CALCR: variants seen among roughly 807,000 people sequenced by gnomAD.
CALCR encodes the protein calcitonin receptor.
A neutral mutation model predicts 59.5 loss-of-function variants in CALCR; 47 were observed. The observed-to-expected ratio is 0.79, with a 90% CI of 0.63 to 1.01. The LOEUF is 1.01. Ranked by LOEUF, CALCR falls within the 50% of genes least tolerant of loss-of-function variation. The probability of loss-of-function intolerance (pLI) is 0.00; values close to 1 mark genes in which losing one functional copy is unlikely to be tolerated. For missense variants in CALCR, 566 were observed against 597.1 expected, an observed-to-expected ratio of 0.95 and a Z score of 0.54; for synonymous variants, 213 against 211.3, an observed-to-expected ratio of 1.01 and a Z score of -0.07.
chr7:93,461,088 C>G, intron 7 of CALCR, 141 bp from the exon 8 acceptor site: 1 of 656,850 alleles, frequency 1.5e-6, no homozygotes, highest in South Asian at 2.2e-5. Flanking sequence ...CTGGTCTCCT[C>G]TTTCAGATTT....
intron 2 of CALCR, among the ~76,000 whole-genome samples, chr7:93,558,673 G>A (rs1039296277): frequency 6.6e-6 from 1 of 151,736 alleles, no homozygotes; most frequent in African/African-American, 2.4e-5. Context: ...ATATAAATTT[G>A]GAATATTGGA....
chr7:93,548,617 C>T (rs1265407146), intron 2 of CALCR, among the ~76,000 whole-genome samples: 1 of 146,658 alleles, frequency 6.8e-6, no homozygotes, highest in African/African-American at 2.5e-5. Flanking sequence ...GTACTTCTTG[C>T]AAAATAGAAT....
chr7:93,430,673 A>T (rs964445434), intron 13 of CALCR, among the ~76,000 whole-genome samples: 1 of 152,198 alleles, frequency 6.6e-6, no homozygotes, highest in Admixed American at 6.5e-5. Flanking sequence ...TGTGTCTAGA[A>T]TAGTGGTTCT....
intron 2 of CALCR, among the ~76,000 whole-genome samples, chr7:93,563,588 G>A (rs1399781563): frequency 2.6e-5 from 4 of 152,138 alleles, no homozygotes; most frequent in Non-Finnish European, 4.4e-5. Context: ...ATAAGCCTGA[G>A]TACATCCCAT....
intron 5 of CALCR, among the ~76,000 whole-genome samples, chr7:93,472,933 T>G (rs1800584938): frequency 6.6e-6 from 1 of 151,828 alleles, no homozygotes. Context: ...GTTTTTTCAT[T>G]AGATTAACTG....
intron 3 of CALCR, among the ~76,000 whole-genome samples, chr7:93,480,129 C>T (rs993686849): frequency 6.6e-6 from 1 of 151,854 alleles, no homozygotes; most frequent in Non-Finnish European, 1.5e-5. Context: ...CAATGTATTT[C>T]TTAGATATTT....
chr7:93,462,027 A>T, intron 7 of CALCR: 2 of 1,214,566 alleles, frequency 1.6e-6, no homozygotes, highest in Non-Finnish European at 2.3e-6. Flanking sequence ...AATTCTGGGG[A>T]AAGATGAAAT....
chr7:93,499,079 T>A (rs1157434860), intron 2 of CALCR, among the ~76,000 whole-genome samples: 1 of 151,830 alleles, frequency 6.6e-6, no homozygotes, highest in East Asian at 1.9e-4. Flanking sequence ...ACAACTGGAC[T>A]ATAATTAAAG....
At chr7:93,432,300 C>T (rs1289899192) in intron 13 of CALCR, among the ~76,000 whole-genome samples, 2 of 152,126 alleles carry the variant, frequency 1.3e-5, no homozygotes, top group African/African-American at 4.8e-5. Context: ...CAGTATTCAG[C>T]CAGGCACCAT....
intron 5 of CALCR, among the ~76,000 whole-genome samples, chr7:93,475,371 A>G (rs1479470633): frequency 6.6e-6 from 1 of 151,820 alleles, no homozygotes; most frequent in Non-Finnish European, 1.5e-5. Context: ...AAGCATCTCT[A>G]TTGGACATTA....
At chr7:93,551,735 G>C (rs1263322843) in intron 2 of CALCR, among the ~76,000 whole-genome samples, 2 of 152,110 alleles carry the variant, frequency 1.3e-5, no homozygotes, top group East Asian at 3.9e-4. Context: ...GTCAGCAAAG[G>C]TATCTGTAGT....
At chr7:93,461,564 G>T (rs1043231215) in intron 7 of CALCR, among the ~76,000 whole-genome samples, 1 of 152,114 alleles carries the variant, frequency 6.6e-6, no homozygotes, top group Non-Finnish European at 1.5e-5. Context: ...CACAGGCAGA[G>T]AATTCTTAAT....
At chr7:93,502,493 A>G (rs1356996175) in intron 2 of CALCR, among the ~76,000 whole-genome samples, 1 of 152,132 alleles carries the variant, frequency 6.6e-6, no homozygotes, top group Non-Finnish European at 1.5e-5. Flanking sequence ...CTACTCTTAA[A>G]GATTATATAA....
chr7:93,525,538 C>T (rs1002158635), intron 2 of CALCR, among the ~76,000 whole-genome samples: 1 of 152,154 alleles, frequency 6.6e-6, no homozygotes, highest in Admixed American at 6.6e-5. Context: ...GCAAAGGGGC[C>T]TTGAACTCAA....
intron 8 of CALCR, among the ~76,000 whole-genome samples, chr7:93,456,457 G>T (rs1347649668): frequency 6.6e-6 from 1 of 151,832 alleles, no homozygotes; most frequent in African/African-American, 2.4e-5. Flanking sequence ...CAGTTTGAAA[G>T]AGGTAAAAAT....
intron 8 of CALCR, among the ~76,000 whole-genome samples, chr7:93,449,851 T>C (rs1404650636): frequency 6.6e-6 from 1 of 152,018 alleles, no homozygotes; most frequent in East Asian, 1.9e-4. Context: ...TAAATTTTTG[T>C]CAAGTTTTTC....
At chr7:93,484,519 T>C (rs1319158059) in intron 3 of CALCR, among the ~76,000 whole-genome samples, 1 of 151,820 alleles carries the variant, frequency 6.6e-6, no homozygotes, top group Non-Finnish European at 1.5e-5. Flanking sequence ...TCCTTAATGT[T>C]GATAATGTAT....
intron 9 of CALCR, among the ~76,000 whole-genome samples, chr7:93,438,526 G>A (rs958784543): frequency 6.6e-6 from 1 of 152,204 alleles, no homozygotes; most frequent in African/African-American, 2.4e-5. Context: ...ATTGCTGAAT[G>A]TAGCAGGTAC....
chr7:93,562,411 GAACAACAAC>G (rs144086474), intron 2 of CALCR, among the ~76,000 whole-genome samples: 11 of 151,166 alleles, frequency 7.3e-5, no homozygotes, highest in South Asian at 2.1e-4. Context: ...TTATAAAAAG[GAACAACAAC>G]AACAACAACA....
Sources: gnomAD v4.1 joint callset for allele counts (sites outside exome capture counted in the v4.1 genomes callset) on GRCh38, gnomAD v4.1.1 for gene constraint, MANE v1.5 for transcripts, NCBI Gene and HGNC (gene_info 2026-07-23, HGNC 2026-07-21) for gene names.